AGPAT4: variants seen among roughly 807,000 people sequenced by gnomAD.
AGPAT4 encodes 1-acylglycerol-3-phosphate O-acyltransferase 4.
Under a neutral mutation model 48.0 loss-of-function variants are expected in AGPAT4, and 15 were observed. The observed-to-expected ratio is 0.31, with a 90% CI of 0.21 to 0.48. AGPAT4 has a LOEUF of 0.48. Ranked by LOEUF, AGPAT4 falls within the 20% of genes least tolerant of loss-of-function variation. The pLI, the probability that AGPAT4 is intolerant of heterozygous loss-of-function variation, is 0.99. For missense variants in AGPAT4, 314 were observed against 482.5 expected (o/e 0.65, Z 3.27); for synonymous variants, 178 against 198.7 (o/e 0.90, Z 0.88).
In AGPAT4 at chr6:161,140,949, G is replaced by A. The variant is rs908437633; in HGVS notation, c.844-1329C>T. The stretch of plus-strand genomic sequence containing the variant: ...TAGTAATGTCCCAGTTCTCTAAGGA[G>A]TCGAGTTTTCTGGAAAATGAGCTTC... On this transcript the variant is annotated intron_variant, in intron 7 of 8. Coordinates refer to ENST00000320285, the MANE Select transcript of AGPAT4 (RefSeq NM_020133.3). The surrounding 1 kb of genome is among the most constrained non-coding windows in gnomAD (Gnocchi z 6.5). 2.6e-5 allele frequency among the ~76,000 whole-genome samples: 4 copies of A among 152,224 alleles called. No individual in the cohort carries two copies. Among genetic ancestry groups the A allele is most frequent in the Admixed American group, 1.3e-4 (2 of 15,280 alleles).
Position 161,222,518 on chromosome 6 carries a change from G to T in AGPAT4, c.178+9518C>A, listed in dbSNP as rs1781862368. On this transcript the variant is annotated intron_variant, in intron 2 of 8. Coordinates refer to ENST00000320285, the MANE Select transcript of AGPAT4 (RefSeq NM_020133.3). This position sits in a 1 kb window ranked among gnomAD's most constrained non-coding sequence, Gnocchi z 5.9. Reference sequence around the variant, plus strand: ...TTAATAATATTTAGGGTATAACGTGGTTCAAGGAAATAATGACCCAGCTGG... The same window carrying T: ...TTAATAATATTTAGGGTATAACGTGTTTCAAGGAAATAATGACCCAGCTGG... 6.6e-6 allele frequency among the ~76,000 whole-genome samples: 1 copy of T among 151,522 alleles called. No homozygotes were observed. The highest frequency in any genetic ancestry group is 2.1e-4 in the South Asian group (1 of 4,810).
intron 2 of AGPAT4, among the ~76,000 whole-genome samples, chr6:161,188,393 T>C (rs2114999154): frequency 6.6e-6 from 1 of 152,312 alleles, no homozygotes; most frequent in African/African-American, 2.4e-5. Flanking sequence ...ATAAATTAGG[T>C]CACCAGATAA....
In AGPAT4 at chr6:161,152,107, G is replaced by C. The variant is rs190352765; in HGVS notation, c.664+1239C>G. On this transcript the variant is annotated intron_variant, in intron 5 of 8. Transcript: ENST00000320285. ...GCCTGCTTTTCTCTCTCCTCTCCGG[G>C]AGTAAGAGCTGCCTGCCAGGATGTT... Among the ~76,000 whole-genome samples, 338 of 152,306 alleles carry C rather than the reference G, an allele frequency of 2.2e-3. 3 individuals carry two copies. Among genetic ancestry groups the C allele is most frequent in the Non-Finnish European group, 5.9e-4 (40 of 68,026 alleles).
In AGPAT4 at chr6:161,259,975, A is replaced by G. The variant is rs6920768; in HGVS notation, c.-90+13963T>C. Among the ~76,000 whole-genome samples the G allele has an allele frequency of 0.077, 11,634 of 151,956 alleles. 1,452 individuals are homozygous for G. The highest frequency in any genetic ancestry group is 0.26 in the African/African-American group (10,816 of 41,410). ...GTTGCACTGGAGGAAACTTCCATTC[A>G]CCTGGCGCTATACGTGTTTGGGGCT... is the stretch of plus-strand genomic sequence containing the variant. On this transcript the variant is annotated intron_variant, in intron 1 of 8. Coordinates refer to ENST00000320285, the MANE Select transcript of AGPAT4 (RefSeq NM_020133.3). The surrounding 1 kb of genome is among the most constrained non-coding windows in gnomAD (Gnocchi z 4.9).
chr6:161,171,644 C>A lies in AGPAT4; in HGVS notation c.179-5227G>T, dbSNP rs959299844. On this transcript the variant is annotated intron_variant, in intron 2 of 8. Transcript: ENST00000320285. This position sits in a 1 kb window ranked among gnomAD's most constrained non-coding sequence, Gnocchi z 4.4. The stretch of plus-strand genomic sequence containing the variant: ...GTGGCTCATGCCTGTAATTCCAGCA[C>A]TTTGGAAGGCCAAGGCAGGCAGATC... Among the ~76,000 whole-genome samples the A allele has an allele frequency of 1.3e-5, 2 of 151,900 alleles. No homozygotes were observed. Among genetic ancestry groups the A allele is most frequent in the African/African-American group, 4.8e-5 (2 of 41,322 alleles).
At chr6:161,153,287 G>C (rs1038109320) in intron 5 of AGPAT4, 59 bp downstream of exon 5, 18 of 1,551,148 alleles carry the variant, frequency 1.2e-5, no homozygotes, top group Non-Finnish European at 1.3e-5. Flanking sequence ...CCCATCCGGA[G>C]CTGGGGCTTG....
At chr6:161,263,872 A>G (rs1409930580) in intron 1 of AGPAT4, among the ~76,000 whole-genome samples, 1 of 152,230 alleles carries the variant, frequency 6.6e-6, no homozygotes, top group Non-Finnish European at 1.5e-5. Flanking sequence ...GAAAGGCAAG[A>G]ATATGAAATG....
rs1292174234 is a variant in AGPAT4, at chr6:161,196,519, G to C, written c.179-30102C>G. On this transcript the variant is annotated intron_variant, in intron 2 of 8. Transcript: ENST00000320285. This position sits in a 1 kb window ranked among gnomAD's most constrained non-coding sequence, Gnocchi z 4.3. ...TTCAATCTAATGTGTTAAGAAGCAA[G>C]GAGAGGGTCACGCGTGGTGACTCAA... 3.3e-5 allele frequency among the ~76,000 whole-genome samples: 5 copies of C among 152,052 alleles called. No homozygotes were observed. The highest frequency in any genetic ancestry group is 7.2e-5 in the African/African-American group (3 of 41,404).
intron 7 of AGPAT4, among the ~76,000 whole-genome samples, chr6:161,145,639 A>AGGTAG (rs1226140698): frequency 6.6e-6 from 1 of 151,610 alleles, no homozygotes; most frequent in Non-Finnish European, 1.5e-5. Flanking sequence ...TCCCAAGTGT[A>AGGTAG]GGTAGGGTTA....
intron 2 of AGPAT4, among the ~76,000 whole-genome samples, chr6:161,181,879 G>T (rs995871528): frequency 6.6e-6 from 1 of 152,138 alleles, no homozygotes; most frequent in Non-Finnish European, 1.5e-5. Context: ...ACAAAAATTG[G>T]TTCTTGGAGG....
In AGPAT4 at chr6:161,134,448, G is replaced by GA. The variant is rs1779000257; in HGVS notation, c.*2091dup. On this transcript the variant is annotated 3_prime_UTR_variant, in exon 9 of 9. Coordinates refer to ENST00000320285, the MANE Select transcript of AGPAT4 (RefSeq NM_020133.3). ...GACAAGAAAATTTCTGAGCATTTTTGAGAGTAGCAACATAGAGGCAGCTTT... is the reference window on the plus strand; with the variant it reads ...GACAAGAAAATTTCTGAGCATTTTTGAAGAGTAGCAACATAGAGGCAGCTTT... 6.6e-6 allele frequency: 1 copy of GA among 152,158 alleles called. No individual in the cohort carries two copies. The highest frequency in any genetic ancestry group is 2.4e-5 in the African/African-American group (1 of 41,428). 9.4% of individuals were successfully genotyped at this position (152,158 alleles called of 1,614,324 possible).
chr6:161,211,615 TAA>T (rs926769074), intron 2 of AGPAT4, among the ~76,000 whole-genome samples: 10 of 152,150 alleles, frequency 6.6e-5, no homozygotes, highest in African/African-American at 1.4e-4. Context: ...GTGTAAGTCA[TAA>T]AAAGAGATTT....
Position 161,140,507 on chromosome 6 carries a change from G to A in AGPAT4, c.844-887C>T, listed in dbSNP as rs1359427517. On this transcript the variant is annotated intron_variant, in intron 7 of 8. Transcript: ENST00000320285. This position sits in a 1 kb window ranked among gnomAD's most constrained non-coding sequence, Gnocchi z 6.5. ...TCACGGCCCCACATAAATGCACTGC[G>A]AAAGAACGCGGTGGCTCTTCCCTGG... is the stretch of plus-strand genomic sequence containing the variant. Among the ~76,000 whole-genome samples the A allele has an allele frequency of 2.0e-5, 3 of 152,228 alleles. No homozygotes were observed. The highest frequency in any genetic ancestry group is 6.5e-5 in the Admixed American group (1 of 15,282).
In AGPAT4 at chr6:161,208,612, T is replaced by C. The variant is rs1781442854; in HGVS notation, c.178+23424A>G. 6.6e-6 allele frequency among the ~76,000 whole-genome samples: 1 copy of C among 152,098 alleles called. No individual in the cohort carries two copies. Among genetic ancestry groups the C allele is most frequent in the Admixed American group, 6.6e-5 (1 of 15,258 alleles). On this transcript the variant is annotated intron_variant, in intron 2 of 8. Transcript: ENST00000320285. The surrounding 1 kb of genome is among the most constrained non-coding windows in gnomAD (Gnocchi z 4.6). Reference sequence around the variant, plus strand: ...AAAAAAATACTTGCAATGAACAACTTGGTTAAAAAAAGGTAACTATCATTC... The same window carrying C: ...AAAAAAATACTTGCAATGAACAACTCGGTTAAAAAAAGGTAACTATCATTC...
Position 161,235,371 on chromosome 6 carries a change from C to T in AGPAT4, c.-89-3069G>A, listed in dbSNP as rs1185613873. The stretch of plus-strand genomic sequence containing the variant: ...TCTGAAGAAGAAGGTGAGAAGTGCT[C>T]GAGTTGTTAAATAATTTAACTGACT... On this transcript the variant is annotated intron_variant, in intron 1 of 8. Transcript: ENST00000320285. The surrounding 1 kb of genome is among the most constrained non-coding windows in gnomAD (Gnocchi z 6.2). 2.6e-5 allele frequency among the ~76,000 whole-genome samples: 4 copies of T among 152,000 alleles called. No individual in the cohort carries two copies. The highest frequency in any genetic ancestry group is 2.1e-4 in the South Asian group (1 of 4,812).
At chr6:161,230,638 G>A (rs1436381282) in intron 2 of AGPAT4, among the ~76,000 whole-genome samples, 2 of 152,090 alleles carry the variant, frequency 1.3e-5, no homozygotes, top group African/African-American at 4.8e-5. Flanking sequence ...TACCACCGTA[G>A]AAGGGTACAT....
In AGPAT4 at chr6:161,134,943, A is replaced by C. The variant is rs747684519; in HGVS notation, c.*1597T>G. The stretch of plus-strand genomic sequence containing the variant: ...GGCTCTGCAGTACGCTCTTCCCACA[A>C]GTCAGCCAGGATTTTTTCCCTTTTT... On this transcript the variant is annotated 3_prime_UTR_variant, in exon 9 of 9. Coordinates refer to ENST00000320285, the MANE Select transcript of AGPAT4 (RefSeq NM_020133.3). The C allele has an allele frequency of 6.6e-6, 1 of 152,268 alleles. No individual in the cohort carries two copies. The highest frequency in any genetic ancestry group is 6.5e-5 in the Admixed American group (1 of 15,286). 9.4% of individuals were successfully genotyped at this position (152,268 alleles called of 1,614,324 possible).
intron 2 of AGPAT4, among the ~76,000 whole-genome samples, chr6:161,213,482 A>G (rs562642427): frequency 1.7e-4 from 26 of 149,844 alleles, no homozygotes; most frequent in African/African-American, 6.1e-4. Context: ...TTTCTGGGCT[A>G]CAAGTCTTCA....
At chr6:161,181,170 T>C (rs1328562781) in intron 2 of AGPAT4, among the ~76,000 whole-genome samples, 2 of 152,220 alleles carry the variant, frequency 1.3e-5, no homozygotes, top group African/African-American at 4.8e-5. Context: ...GAGTTCTTGC[T>C]GCAGGTGTTA....
Sources: allele counts gnomAD v4.1 joint callset (sites outside exome capture counted in the v4.1 genomes callset), GRCh38; gene constraint gnomAD v4.1.1; non-coding constraint Gnocchi (gnomAD v3.1); transcripts MANE v1.5; gene names NCBI Gene and HGNC (gene_info 2026-07-23, HGNC 2026-07-21).